The following COL24A1 variants were observed in gnomAD, a reference collection of about 807,000 sequenced individuals.
COL24A1 encodes the protein collagen type XXIV alpha 1 chain, also known as collagen alpha-1(XXIV) chain.
COL24A1 carries 224 observed loss-of-function variants against 253.9 expected under a neutral mutation model. That is an observed-to-expected ratio of 0.88 (90% CI 0.79 to 0.99). The LOEUF (loss-of-function observed/expected upper bound fraction) is 0.99. Among genes scored for constraint, COL24A1 ranks in the 50% least tolerant of loss-of-function variants. The pLI, the probability that COL24A1 is intolerant of heterozygous loss-of-function variation, is 0.00. For synonymous variants in COL24A1, 685 were observed against 673.7 expected (o/e 1.02, Z -0.26); for missense variants, 2,131 against 2,068.5 (o/e 1.03, Z -0.59).
At chr1:86,048,303 A>G (rs1020324833) in intron 11 of COL24A1, among the ~76,000 whole-genome samples, 22 of 152,134 alleles carry the variant, frequency 1.4e-4, no homozygotes, top group African/African-American at 4.8e-4. Context: ...AGCAATAGTT[A>G]GCATTACTCT....
At chr1:85,782,824 T>A (rs937306057) in intron 51 of COL24A1, among the ~76,000 whole-genome samples, 1 of 151,820 alleles carries the variant, frequency 6.6e-6, no homozygotes, top group African/African-American at 2.4e-5. Flanking sequence ...AAGTTTTAAA[T>A]TTTTTTTCAG....
intron 19 of COL24A1, among the ~76,000 whole-genome samples, chr1:86,015,015 T>A (rs616715): frequency 0.31 from 47,312 of 151,956 alleles, 7,882 homozygotes; most frequent in Middle Eastern, 0.51. Context: ...TTTACCTGAG[T>A]AAAATTCATC....
intron 24 of COL24A1, among the ~76,000 whole-genome samples, chr1:85,917,563 CT>C: frequency 6.8e-6 from 1 of 146,486 alleles, no homozygotes; most frequent in South Asian, 2.2e-4. Flanking sequence ...ATGTTTTGGG[CT>C]TTTTCTGTGT....
intron 46 of COL24A1, among the ~76,000 whole-genome samples, chr1:85,817,230 G>T (rs562148512): frequency 6.6e-6 from 1 of 152,258 alleles, no homozygotes; most frequent in Non-Finnish European, 1.5e-5. Flanking sequence ...ATATGCACCT[G>T]TCAGCTTAGG....
chr1:85,730,800 C>G, intron 59 of COL24A1, 108 bp from the exon 60 acceptor site: 1 of 1,173,100 alleles, frequency 8.5e-7, no homozygotes, highest in Non-Finnish European at 1.2e-6. Flanking sequence ...TTAGAGATAA[C>G]GAATAGAAAG....
chr1:86,147,313 A>T (rs1572078736), intron 1 of COL24A1, among the ~76,000 whole-genome samples: 1 of 152,224 alleles, frequency 6.6e-6, no homozygotes, highest in East Asian at 1.9e-4. Context: ...AATGGAACAC[A>T]AATTTCATTT....
At chr1:85,866,184 A>G (rs2102493176) in intron 37 of COL24A1, among the ~76,000 whole-genome samples, 1 of 151,978 alleles carries the variant, frequency 6.6e-6, no homozygotes, top group South Asian at 2.1e-4. Flanking sequence ...AATCACTTGA[A>G]CCCGGGAGGC....
intron 5 of COL24A1, among the ~76,000 whole-genome samples, chr1:86,097,742 C>G (rs1333101311): frequency 6.6e-6 from 1 of 151,478 alleles, no homozygotes; most frequent in Non-Finnish European, 1.5e-5. Context: ...AAGGCTTAGT[C>G]TTTGGACGTT....
intron 19 of COL24A1, among the ~76,000 whole-genome samples, chr1:86,011,992 C>T (rs1696532879): frequency 6.6e-6 from 1 of 151,916 alleles, no homozygotes; most frequent in Non-Finnish European, 1.5e-5. Flanking sequence ...TGTGTTTTTT[C>T]TTTTTAGTAG....
intron 24 of COL24A1, among the ~76,000 whole-genome samples, chr1:85,959,762 T>A (rs748504293): frequency 1.3e-5 from 2 of 152,152 alleles, no homozygotes; most frequent in African/African-American, 2.4e-5. Flanking sequence ...TCTTATACTA[T>A]GTGGAATTAG....
intron 43 of COL24A1, among the ~76,000 whole-genome samples, chr1:85,829,710 C>T (rs577403505): frequency 2.0e-5 from 3 of 152,054 alleles, no homozygotes; most frequent in East Asian, 1.9e-4. Flanking sequence ...TCCAGTTGAT[C>T]GCATGGCCTC....
chr1:86,121,506 C>T (rs1241669400), intron 3 of COL24A1, among the ~76,000 whole-genome samples: 2 of 151,372 alleles, frequency 1.3e-5, no homozygotes, highest in East Asian at 3.9e-4. Flanking sequence ...CATTAACGTA[C>T]AAAAATAAAG....
At chr1:85,853,726 T>C (rs1678084959) in intron 37 of COL24A1, among the ~76,000 whole-genome samples, 1 of 152,212 alleles carries the variant, frequency 6.6e-6, no homozygotes, top group East Asian at 1.9e-4. Flanking sequence ...ATTAGCAACA[T>C]TGAGCATTTT....
chr1:85,740,510 C>A (rs1187610936), intron 57 of COL24A1, among the ~76,000 whole-genome samples: 1 of 152,038 alleles, frequency 6.6e-6, no homozygotes, highest in Non-Finnish European at 1.5e-5. Context: ...GGCTGGAGTG[C>A]AGTGGCATGA....
intron 5 of COL24A1, among the ~76,000 whole-genome samples, chr1:86,109,135 A>G (rs57251624): frequency 0.17 from 26,238 of 152,076 alleles, 2,364 homozygotes; most frequent in South Asian, 0.25. Flanking sequence ...AACCTTACTA[A>G]ACTAATTATA....
At chr1:85,757,290 C>CA (rs554311670) in intron 55 of COL24A1, among the ~76,000 whole-genome samples, 182 of 152,128 alleles carry the variant, frequency 1.2e-3, no homozygotes, top group Non-Finnish European at 2.0e-3. Context: ...CTACTTCTGG[C>CA]AATTTGTCCT....
At position 85,868,740 on chromosome 1, in the gene COL24A1, C is replaced by T. The variant is rs112922083; in HGVS notation, c.3192+42G>A. On this transcript the variant is annotated intron_variant, in intron 36 of 59. Coordinates refer to ENST00000370571, the MANE Select transcript of COL24A1 (RefSeq NM_152890.7). ...GATGTCTAATATTTTAAAGATTTTA[C>T]AAAACATCTATTTTATATATAATCT... 721 of 1,425,660 alleles carry T rather than the reference C, an allele frequency of 5.1e-4. 6 individuals carry two copies. Among genetic ancestry groups the T allele is most frequent in the Middle Eastern group, 2.7e-3 (11 of 4,114 alleles). The allele number at this position is 1,425,660 out of a possible 1,614,324, so 88.3% of individuals were successfully genotyped here.
At chr1:86,112,062 T>C (rs1705670459) in intron 5 of COL24A1, among the ~76,000 whole-genome samples, 1 of 152,212 alleles carries the variant, frequency 6.6e-6, no homozygotes, top group Non-Finnish European at 1.5e-5. Context: ...ACAATATGAC[T>C]ATCATACAAC....
chr1:86,108,536 A>C (rs1246597039), intron 5 of COL24A1, among the ~76,000 whole-genome samples: 4 of 147,312 alleles, frequency 2.7e-5, no homozygotes, highest in South Asian at 4.4e-4. Context: ...TACTCCCAGC[A>C]CTTTGGGAGG....
Sources: allele counts gnomAD v4.1 joint callset (sites outside exome capture counted in the v4.1 genomes callset), GRCh38; gene constraint gnomAD v4.1.1; transcripts MANE v1.5; gene names NCBI Gene and HGNC (gene_info 2026-07-23, HGNC 2026-07-21).